The following IL1RAPL2 variants were observed in gnomAD, a reference collection of about 807,000 sequenced individuals.
IL1RAPL2 encodes the protein X-linked interleukin-1 receptor accessory protein-like 2.
Under a neutral mutation model 44.1 loss-of-function variants are expected in IL1RAPL2, and 3 were observed. The ratio of observed to expected loss-of-function variants is 0.07; its 90% confidence interval spans 0.03 to 0.18. IL1RAPL2 has a LOEUF of 0.18. Among genes scored for constraint, IL1RAPL2 ranks in the 10% least tolerant of loss-of-function variants. The pLI, the probability that IL1RAPL2 is intolerant of heterozygous loss-of-function variation, is 1.00. For synonymous variants in IL1RAPL2, 181 were observed against 178.8 expected (o/e 1.01, Z -0.10); for missense variants, 391 against 496.4 (o/e 0.79, Z 2.02).
rs1010367886 is a variant in IL1RAPL2 at position 104,910,542 on chromosome X, C to A, written c.82+251547C>A. Reference sequence around the variant, plus strand: ...TAGCCCCCTGTCCCCTGACAGGCACCAGTGTGTGATGTTCCCCTCCCTGTG... The same window carrying A: ...TAGCCCCCTGTCCCCTGACAGGCACAAGTGTGTGATGTTCCCCTCCCTGTG... On this transcript the variant is annotated intron_variant, in intron 2 of 10. Transcript: ENST00000372582. Among the ~76,000 whole-genome samples the A allele has an allele frequency of 2.7e-5, 3 of 111,685 alleles. No homozygotes were observed. In the Admixed American group the frequency reaches 2.8e-4, roughly 11 times the overall value.
intron 3 of IL1RAPL2, among the ~76,000 whole-genome samples, chrX:105,221,118 G>A (rs184797335): frequency 4.5e-3 from 506 of 111,918 alleles, no homozygotes; most frequent in Non-Finnish European, 7.3e-3. Flanking sequence ...CAAGATAGCA[G>A]GCATTTGAGG....
At chrX:105,263,901 A>G (rs1472900756) in intron 4 of IL1RAPL2, among the ~76,000 whole-genome samples, 2 of 111,765 alleles carry the variant, frequency 1.8e-5, no homozygotes, top group Non-Finnish European at 3.8e-5. Flanking sequence ...TGAGTTCAGT[A>G]TTAGGGAACT....
At chrX:104,880,769 A>G (rs1253044171) in intron 2 of IL1RAPL2, among the ~76,000 whole-genome samples, 2 of 112,595 alleles carry the variant, frequency 1.8e-5, no homozygotes, top group Non-Finnish European at 3.8e-5. Context: ...GTAGTATCTT[A>G]CAAATTAAAA....
intron 2 of IL1RAPL2, among the ~76,000 whole-genome samples, chrX:104,774,830 G>T (rs1234895129): frequency 8.9e-6 from 1 of 112,424 alleles, no homozygotes; most frequent in Non-Finnish European, 1.9e-5. Flanking sequence ...AATGGGAAAT[G>T]GGGAAAATAT....
chrX:105,305,399 C>G (rs2034727889), intron 5 of IL1RAPL2, among the ~76,000 whole-genome samples: 1 of 111,539 alleles, frequency 9.0e-6, no homozygotes, highest in South Asian at 3.8e-4. Context: ...ATGCCTTAAG[C>G]ATTGTCAATG....
At chrX:105,757,554 T>C (rs1396836606) in intron 10 of IL1RAPL2, among the ~76,000 whole-genome samples, 1 of 111,702 alleles carries the variant, frequency 9.0e-6, no homozygotes, top group East Asian at 2.8e-4. Context: ...GTCGTCAGGA[T>C]GGGCAGAGAT....
intron 4 of IL1RAPL2, among the ~76,000 whole-genome samples, chrX:105,237,016 A>C (rs1286109880): frequency 9.1e-6 from 1 of 110,399 alleles, no homozygotes; most frequent in Non-Finnish European, 1.9e-5. Context: ...GCACAGCAGG[A>C]CCCAGTGTGT....
At chrX:104,942,644 G>C (rs1396607329) in intron 2 of IL1RAPL2, among the ~76,000 whole-genome samples, 1 of 111,468 alleles carries the variant, frequency 9.0e-6, no homozygotes, top group Non-Finnish European at 1.9e-5. Context: ...CTGCAAAAAG[G>C]GACAATTTGA....
chrX:104,907,442 T>A (rs1924053333), intron 2 of IL1RAPL2, among the ~76,000 whole-genome samples: 1 of 111,132 alleles, frequency 9.0e-6, no homozygotes, highest in Admixed American at 9.6e-5. Flanking sequence ...GGGCATTTAG[T>A]GCTATAAATT....
intron 1 of IL1RAPL2, among the ~76,000 whole-genome samples, chrX:104,653,786 T>C (rs922764078): frequency 1.1e-4 from 12 of 111,410 alleles, no homozygotes; most frequent in African/African-American, 3.9e-4. Context: ...TTTTTAAAAA[T>C]CTTTACATAG....
intron 2 of IL1RAPL2, among the ~76,000 whole-genome samples, chrX:104,806,596 G>T (rs180723233): frequency 1.2e-4 from 14 of 112,896 alleles, no homozygotes; most frequent in African/African-American, 3.9e-4. Flanking sequence ...GGAATGAAGA[G>T]AATTTTGAAA....
At chrX:105,082,463 T>G (rs1207081925) in intron 2 of IL1RAPL2, among the ~76,000 whole-genome samples, 1 of 111,845 alleles carries the variant, frequency 8.9e-6, no homozygotes, top group African/African-American at 3.3e-5. Flanking sequence ...AGGATCAGAC[T>G]GCTTCCTCAA....
chrX:105,366,815 C>A (rs1035286301), intron 5 of IL1RAPL2, among the ~76,000 whole-genome samples: 1 of 111,641 alleles, frequency 9.0e-6, no homozygotes, highest in South Asian at 3.7e-4. Flanking sequence ...TATTTTGTTC[C>A]TGTTGGGTGA....
chrX:105,323,676 C>A (rs977649389), intron 5 of IL1RAPL2, among the ~76,000 whole-genome samples: 2 of 111,459 alleles, frequency 1.8e-5, no homozygotes, highest in Non-Finnish European at 3.8e-5. Context: ...GAGGTTGAGA[C>A]CAGCCTGGTG....
intron 1 of IL1RAPL2, among the ~76,000 whole-genome samples, chrX:104,611,493 C>G (rs1350947631): frequency 9.0e-6 from 1 of 110,859 alleles, no homozygotes; most frequent in Admixed American, 9.7e-5. Flanking sequence ...GACGCCCCTC[C>G]CGTCTCCAAG....
chrX:105,009,492 C>A (rs1343631917), intron 2 of IL1RAPL2, among the ~76,000 whole-genome samples: 2 of 104,951 alleles, frequency 1.9e-5, no homozygotes, highest in African/African-American at 7.0e-5. Context: ...AGCAAACTAT[C>A]GCAAGGACAA....
chrX:104,784,561 C>A (rs755371964), intron 2 of IL1RAPL2, among the ~76,000 whole-genome samples: 1 of 110,851 alleles, frequency 9.0e-6, no homozygotes, highest in East Asian at 2.9e-4. Context: ...TAAACATGTT[C>A]AATATATAGT....
chrX:104,597,346 TAA>T (rs763760189), intron 1 of IL1RAPL2, among the ~76,000 whole-genome samples: 6,633 of 86,420 alleles, frequency 0.077, 694 homozygotes, highest in African/African-American at 0.26. Context: ...CTCCATCTCT[TAA>T]AAAAAAAAAA....
rs140320473 is a variant in IL1RAPL2 at position 104,916,780 on chromosome X, G to C, written c.82+257785G>C. On this transcript the variant is annotated intron_variant, in intron 2 of 10. Coordinates refer to ENST00000372582, the MANE Select transcript of IL1RAPL2 (RefSeq NM_017416.2). ...TTTCTTGAGAGTTTTTAGCATGAAG[G>C]GTTGTTGAATTTTGTCAAAGGCCTT... Among the ~76,000 whole-genome samples, 718 of 110,952 alleles carry C rather than the reference G, an allele frequency of 6.5e-3. 3 individuals are homozygous for C. Among genetic ancestry groups the C allele is most frequent in the African/African-American group, 0.022 (664 of 30,344 alleles).
Sources: allele counts gnomAD v4.1 joint callset (sites outside exome capture counted in the v4.1 genomes callset), GRCh38; gene constraint gnomAD v4.1.1; transcripts MANE v1.5; gene names NCBI Gene and HGNC (gene_info 2026-07-23, HGNC 2026-07-21).